The following SPEG variants were observed in gnomAD, a reference collection of about 807,000 sequenced individuals.
The protein encoded by SPEG is striated muscle enriched protein kinase.
In SPEG, 114 loss-of-function variants were observed where a neutral mutation model predicts 300.4. The ratio of observed to expected loss-of-function variants is 0.38; its 90% CI spans 0.33 to 0.44. The LOEUF is 0.44. Ranked by LOEUF, SPEG falls within the 20% of genes least tolerant of loss-of-function variation. The pLI is 1.00. For synonymous variants in SPEG, 1,964 were observed against 2,018.9 expected (o/e 0.97, Z 0.73); for missense variants, 4,201 against 4,586.2 (o/e 0.92, Z 2.43).
At chr2:219,487,168 C>G (rs1274813433) in intron 31 of SPEG, among the ~76,000 whole-genome samples, 2 of 152,114 alleles carry the variant, frequency 1.3e-5, no homozygotes, top group African/African-American at 4.8e-5. Context: ...GGGACATTCC[C>G]AGGGATCATG....
chr2:219,485,307 A>G (rs561240877), intron 30 of SPEG, 39 bp from the exon 31 acceptor site: 190 of 1,588,950 alleles, frequency 1.2e-4, no homozygotes, highest in African/African-American at 4.8e-4. Context: ...ACTTGCTGGT[A>G]CTGACTGAAC....
At chr2:219,456,612 A>G (rs73085297) in intron 6 of SPEG, among the ~76,000 whole-genome samples, 12,662 of 152,278 alleles carry the variant, frequency 0.083, 954 homozygotes, top group African/African-American at 0.21. Context: ...ATAGTCATAT[A>G]TAAGAAATTC....
rs376344559 is a variant in SPEG at position 219,477,216 on chromosome 2, C to CGGGGCCTGATACAGCGGCT, written c.4561-61_4561-60insGGGGCCTGATACAGCGGCT. On this transcript the variant is annotated intron_variant, in intron 19 of 40. Coordinates refer to ENST00000312358, the MANE Select transcript of SPEG (RefSeq NM_005876.5). The surrounding 1 kb of genome is among the most constrained non-coding windows in gnomAD (Gnocchi z 6.4). ...GCGCTGCCCAGAGTAGGAGATGAGG[C>CGGGGCCTGATACAGCGGCT]CCTGGCCCCAAGGTAGAGATGAGGC... 1 of 1,467,326 alleles carries CGGGGCCTGATACAGCGGCT rather than the reference C, an allele frequency of 6.8e-7. No individual in the cohort carries two copies. The highest frequency in any genetic ancestry group is 2.3e-5 in the East Asian group (1 of 43,704). The allele number at this position is 1,467,326 out of a possible 1,614,324, so 90.9% of individuals were successfully genotyped here.
At position 219,483,787 on chromosome 2, in the gene SPEG, C is replaced by T. The variant is rs1222130430; in HGVS notation, c.6324C>T (p.Ala2108=). 5.1e-6 allele frequency: 8 copies of T among 1,562,342 alleles called. No homozygotes were observed. Among genetic ancestry groups the T allele is most frequent in the African/African-American group, 1.4e-5 (1 of 74,058 alleles). The change falls in exon 30 of 41, where the codon GCC becomes GCT. Residue 2108 remains alanine (A), a synonymous_variant. Transcript: ENST00000312358. ...GGGACCCCCGGATGGCACGAGCTGC[C>T]TCCAGCGAGGCAGCGCCCCACCACC... ...RARDPRMARA[A]SSEAAPHHQP...
rs537498743 is a variant in SPEG, at chr2:219,490,397, C to T, written c.8922-12C>T. On this transcript the variant is annotated splice_polypyrimidine_tract_variant and intron_variant, in intron 36 of 40. Transcript: ENST00000312358. The stretch of plus-strand genomic sequence containing the variant: ...CCTCTGAGCCGGTGGTGTCCCTCCC[C>T]CCGACACACAGGGGCCGCTTTGGTG... 6.2e-7 allele frequency: 1 copy of T among 1,605,876 alleles called. No individual in the cohort carries two copies. The highest frequency in any genetic ancestry group is 8.5e-7 in the Non-Finnish European group (1 of 1,176,116).
chr2:219,473,965 C>A lies in SPEG; in HGVS notation c.4447+62C>A. On this transcript the variant is annotated intron_variant, in intron 18 of 40. Coordinates refer to ENST00000312358, the MANE Select transcript of SPEG (RefSeq NM_005876.5). This position sits in a 1 kb window ranked among gnomAD's most constrained non-coding sequence, Gnocchi z 4.6. ...AAGGCCCAAAGCTCTCTACTCACAC[C>A]CCCAGGTACACAACCTGCCTGACAC... 6.5e-7 allele frequency: 1 copy of A among 1,529,418 alleles called. No individual in the cohort carries two copies. Among genetic ancestry groups the A allele is most frequent in the Non-Finnish European group, 8.8e-7 (1 of 1,134,106 alleles). The allele number at this position is 1,529,418 out of a possible 1,614,324, so 94.7% of individuals were successfully genotyped here.
At chr2:219,456,908 C>CA (rs61151030) in intron 6 of SPEG, among the ~76,000 whole-genome samples, 4,218 of 39,070 alleles carry the variant, frequency 0.11, 78 homozygotes, top group Non-Finnish European at 0.25. Flanking sequence ...GACTCTGTCT[C>CA]AAAAAAAAAA....
Position 219,444,957 on chromosome 2 carries a change from GCACCCGCC to G in SPEG, c.612_619del (p.Thr205ProfsTer30). 1.3e-6 allele frequency: 2 copies of G among 1,597,628 alleles called. No individual in the cohort carries two copies. The highest frequency in any genetic ancestry group is 1.7e-6 in the Non-Finnish European group (2 of 1,172,312). ...GAGCAGGAAGCGGGCAGTGGGGGTG[GCACCCGCC>G]GCCTCCCGGGCAGCCCAAGGCAAGC... On this transcript the variant is annotated frameshift_variant, in exon 3 of 41. Coordinates refer to ENST00000312358, the MANE Select transcript of SPEG (RefSeq NM_005876.5). LOFTEE classifies it high-confidence loss of function. The surrounding 1 kb of genome is among the most constrained non-coding windows in gnomAD (Gnocchi z 7.8).
chr2:219,470,526 G>A (rs113175882), intron 13 of SPEG, among the ~76,000 whole-genome samples: 4,057 of 152,302 alleles, frequency 0.027, 82 homozygotes, highest in Non-Finnish European at 0.043. Context: ...TGTATCTGGG[G>A]TCACTGGCAG....
Position 219,472,224 on chromosome 2 carries a change from C to T in SPEG, c.3836-3C>T, listed in dbSNP as rs1447774936. 6.2e-7 allele frequency: 1 copy of T among 1,613,526 alleles called. No homozygotes were observed. The highest frequency in any genetic ancestry group is 1.1e-5 in the South Asian group (1 of 91,078). On this transcript the variant is annotated splice_region_variant and splice_polypyrimidine_tract_variant and intron_variant, in intron 14 of 40. Transcript: ENST00000312358. ...CAGCAGACATTCGAACTGCGGCTTT[C>T]AGATGTGGTCCCAGGCCCTCCAGAT...
At position 219,483,637 on chromosome 2, in the gene SPEG, G is replaced by A. The variant is rs1244194909; in HGVS notation, c.6174G>A (p.Leu2058=). The change falls in exon 30 of 41, where the codon CTG becomes CTA. Residue 2058 remains leucine (L), a synonymous_variant. Coordinates refer to ENST00000312358, the MANE Select transcript of SPEG (RefSeq NM_005876.5). ...PGATRLARGG[L]GEGEYAQRLQ... is the part of the protein sequence containing the mutation. Reference sequence around the variant, plus strand: ...CCACCCGCCTGGCCCGGGGAGGCCTGGGTGAGGGCGAGTATGCCCAGAGGC... The same window carrying A: ...CCACCCGCCTGGCCCGGGGAGGCCTAGGTGAGGGCGAGTATGCCCAGAGGC... 2 of 1,524,306 alleles carry A rather than the reference G, an allele frequency of 1.3e-6. No individual in the cohort carries two copies. The highest frequency in any genetic ancestry group is 2.4e-5 in the South Asian group (2 of 83,370). 94.4% of individuals were successfully genotyped at this position (1,524,306 alleles called of 1,614,324 possible). A position where few individuals can be genotyped will look rare whatever the true frequency, so the allele number is the denominator to read the frequency against.
chr2:219,465,784 C>T (rs1691217511), intron 9 of SPEG: 2 of 571,582 alleles, frequency 3.5e-6, no homozygotes, highest in East Asian at 3.2e-5. Context: ...GGGCCCTAGC[C>T]AGGTCTGCGT....
chr2:219,485,328 G>A lies in SPEG; in HGVS notation c.7610-18G>A. On this transcript the variant is annotated intron_variant, in intron 30 of 40. Transcript: ENST00000312358. ...TGGTACTGACTGAACAAATACTCACGGGCCTGAGTCTTCACAGCCCCAGGG... is the reference window on the plus strand; with the variant it reads ...TGGTACTGACTGAACAAATACTCACAGGCCTGAGTCTTCACAGCCCCAGGG... The A allele has an allele frequency of 1.3e-6, 2 of 1,598,266 alleles. No individual in the cohort carries two copies. The highest frequency in any genetic ancestry group is 1.7e-6 in the Non-Finnish European group (2 of 1,173,326).
chr2:219,453,220 T>G lies in SPEG; in HGVS notation c.2440+1413T>G, dbSNP rs138736391. ...GCCCCGATACTGGCTCAGGGCCATT[T>G]GGGAGCCTTTTATGGTTGGAAAGGC... On this transcript the variant is annotated intron_variant, in intron 6 of 40. Coordinates refer to ENST00000312358, the MANE Select transcript of SPEG (RefSeq NM_005876.5). 3.9e-5 allele frequency among the ~76,000 whole-genome samples: 6 copies of G among 152,326 alleles called. No homozygotes were observed. In the South Asian group the frequency reaches 8.3e-4, roughly 21 times the overall value.
chr2:219,486,610 G>A (rs754423420), intron 31 of SPEG, among the ~76,000 whole-genome samples: 1 of 152,154 alleles, frequency 6.6e-6, no homozygotes, highest in Non-Finnish European at 1.5e-5. Flanking sequence ...CCTCCCTCCC[G>A]GCCCAGTTTT....
At chr2:219,461,536 A>C (rs1378366840) in intron 6 of SPEG, 12 of 1,159,298 alleles carry the variant, frequency 1.0e-5, no homozygotes, top group African/African-American at 1.6e-5. Flanking sequence ...TTAGGTCTCT[A>C]GTCCATGTCA....
intron 1 of SPEG, 143 bp downstream of exon 1, chr2:219,435,508 C>G: frequency 6.2e-6 from 6 of 974,268 alleles, no homozygotes; most frequent in Non-Finnish European, 7.1e-6. Flanking sequence ...CTGCCCGGCC[C>G]CAGAAGTGAG....
rs1170695473 is a variant in SPEG, at chr2:219,448,948, C to T, written c.1790C>T (p.Pro597Leu). 3 of 1,504,152 alleles carry T rather than the reference C, an allele frequency of 2.0e-6. No homozygotes were observed. Among genetic ancestry groups the T allele is most frequent in the Non-Finnish European group, 2.7e-6 (3 of 1,130,602 alleles). The allele number at this position is 1,504,152 out of a possible 1,614,324, so 93.2% of individuals were successfully genotyped here. Residue 597 changes from proline (P) to leucine (L), a missense_variant, in exon 4 of 41, where the codon CCG (proline) becomes CTG (leucine). By Grantham distance (98) the Pro-to-Leu change is moderately conservative (BLOSUM62 -3). Transcript: ENST00000312358. ...QQEVRRRDQF[P>L]LTRSRAIQEC... ...GAGGTTAGGCGTCGGGACCAATTCC[C>T]GCTGACCCGGAGCAGAGCCATCCAG...
In SPEG at chr2:219,480,251, G is replaced by T; in HGVS notation, c.5342+111G>T. ...CCGAGCCTGAATTCCTCCTGAAGGT[G>T]GGCTGGAGGCATTGTTTGCAGGGTC... On this transcript the variant is annotated intron_variant, in intron 25 of 40. Coordinates refer to ENST00000312358, the MANE Select transcript of SPEG (RefSeq NM_005876.5). This position sits in a 1 kb window ranked among gnomAD's most constrained non-coding sequence, Gnocchi z 5.3. 1 of 1,195,156 alleles carries T rather than the reference G, an allele frequency of 8.4e-7. No individual in the cohort carries two copies. Among genetic ancestry groups the T allele is most frequent in the South Asian group, 1.4e-5 (1 of 70,856 alleles). 74.0% of individuals were successfully genotyped at this position (1,195,156 alleles called of 1,614,324 possible). A position where few individuals can be genotyped will look rare whatever the true frequency, so the allele number is the denominator to read the frequency against.
Sources: allele counts gnomAD v4.1 joint callset (sites outside exome capture counted in the v4.1 genomes callset), GRCh38; gene constraint gnomAD v4.1.1; non-coding constraint Gnocchi (gnomAD v3.1); transcripts MANE v1.5; gene names NCBI Gene and HGNC (gene_info 2026-07-23, HGNC 2026-07-21).